CASC3: variants seen among roughly 807,000 people sequenced by gnomAD.
The protein encoded by CASC3 is protein CASC3.
CASC3 carries 30 observed loss-of-function variants against 80.5 expected under a neutral mutation model. The observed-to-expected ratio is 0.37, with a 90% CI of 0.28 to 0.51. The LOEUF is 0.51. Among genes scored for constraint, CASC3 ranks in the 20% least tolerant of loss-of-function variants. The probability of loss-of-function intolerance (pLI) is 0.94; values close to 1 mark genes in which losing one functional copy is unlikely to be tolerated. For synonymous variants in CASC3, 312 were observed against 333.6 expected, an observed-to-expected ratio of 0.94 and a Z score of 0.70; for missense variants, 824 against 922.2, an observed-to-expected ratio of 0.89 and a Z score of 1.38.
In CASC3 at chr17:40,168,334, A is replaced by C. The variant is rs143933011; in HGVS notation, c.1882A>C (p.Met628Leu). 10 of 1,613,986 alleles carry C rather than the reference A, an allele frequency of 6.2e-6. No homozygotes were observed. The African/African-American group carries it at 1.2e-4, about 19-fold the overall frequency. ...TACTTACTTTTCTGCTCCAGGCGTC[A>C]TGAACTTTGGTAATCCCAGTTACCC... ...APTYFSAPGV[M>L]NFGNPSYPYA... Residue 628 changes from methionine to leucine, a missense_variant, in exon 11 of 14, where the codon ATG (methionine) becomes CTG (leucine). By Grantham distance (15) the Met-to-Leu change is conservative (BLOSUM62 2). Around this residue, in one of 3 missense-constraint regions of CASC3, gnomAD observed 464 missense variants for 506.0 expected, o/e 0.92. Transcript: ENST00000264645.
Position 40,171,635 on chromosome 17 carries a change from C to T in CASC3, c.*1230C>T. The stretch of plus-strand genomic sequence containing the variant: ...CTGGGCAAGGGCTCCTATCTTTCCT[C>T]CCTATCCATGGCACTAAACCACTTC... On this transcript the variant is annotated 3_prime_UTR_variant, in exon 14 of 14. Transcript: ENST00000264645. 1.0e-6 allele frequency: 1 copy of T among 996,666 alleles called. No homozygotes were observed. Among genetic ancestry groups the T allele is most frequent in the Non-Finnish European group, 1.2e-6 (1 of 836,440 alleles). The allele number at this position is 996,666 out of a possible 1,614,324, so 61.7% of individuals were successfully genotyped here. A position where few individuals can be genotyped will look rare whatever the true frequency, so the allele number is the denominator to read the frequency against.
chr17:40,161,912 G>A lies in CASC3; in HGVS notation c.456+1G>A. ...AGAGAGGCAAAGTGGGGACGGACAGGTTAGTACATTCCACAGTCCTCCATT... is the reference window on the plus strand; with the variant it reads ...AGAGAGGCAAAGTGGGGACGGACAGATTAGTACATTCCACAGTCCTCCATT... On this transcript the variant is annotated splice_donor_variant, in intron 4 of 13. Coordinates refer to ENST00000264645, the MANE Select transcript of CASC3 (RefSeq NM_007359.5). LOFTEE classifies it high-confidence loss of function. 3 of 1,614,062 alleles carry A rather than the reference G, an allele frequency of 1.9e-6. No individual in the cohort carries two copies.
chr17:40,167,960 G>A lies in CASC3; in HGVS notation c.1750+12G>A. On this transcript the variant is annotated intron_variant, in intron 10 of 13. Coordinates refer to ENST00000264645, the MANE Select transcript of CASC3 (RefSeq NM_007359.5). Reference sequence around the variant, plus strand: ...CCTTCCCCACCCAGGTAAGCTTTGTGTCTCTGCTTATATGCTTCCAGTACC... The same window carrying A: ...CCTTCCCCACCCAGGTAAGCTTTGTATCTCTGCTTATATGCTTCCAGTACC... 3.1e-6 allele frequency: 5 copies of A among 1,610,944 alleles called. No individual in the cohort carries two copies. Among genetic ancestry groups the A allele is most frequent in the Non-Finnish European group, 4.2e-6 (5 of 1,177,206 alleles).
intron 3 of CASC3, among the ~76,000 whole-genome samples, chr17:40,153,071 A>G (rs1046586598): frequency 3.3e-5 from 5 of 152,110 alleles, no homozygotes; most frequent in African/African-American, 1.2e-4. Context: ...CACCACGCCC[A>G]ACCAGTAAGT....
intron 3 of CASC3, among the ~76,000 whole-genome samples, chr17:40,141,808 G>GGT (rs1456380678): frequency 6.6e-6 from 1 of 152,200 alleles, no homozygotes; most frequent in Non-Finnish European, 1.5e-5. Flanking sequence ...TCAAGCCACA[G>GGT]GTGTTATACT....
intron 3 of CASC3, among the ~76,000 whole-genome samples, chr17:40,144,430 C>T (rs1294287647): frequency 6.7e-6 from 1 of 150,132 alleles, no homozygotes; most frequent in Non-Finnish European, 1.5e-5. Flanking sequence ...CTGCAACCTC[C>T]ACCTCCCGGG....
intron 11 of CASC3, chr17:40,168,827 C>T (rs1308972739): frequency 2.7e-5 from 6 of 225,958 alleles, no homozygotes; most frequent in Admixed American, 5.3e-5. Flanking sequence ...TGACCTCAAC[C>T]GATCCACCTG....
intron 3 of CASC3, among the ~76,000 whole-genome samples, chr17:40,159,352 T>TA (rs1378393431): frequency 6.6e-6 from 1 of 152,168 alleles, no homozygotes; most frequent in East Asian, 1.9e-4. Context: ...AATGTAAACT[T>TA]AAAGTGTTAT....
chr17:40,150,415 C>CGTGTGTGTGT (rs10545573), intron 3 of CASC3, among the ~76,000 whole-genome samples: 45 of 149,040 alleles, frequency 3.0e-4, no homozygotes, highest in African/African-American at 1.1e-3. Flanking sequence ...AGAGTGTGTG[C>CGTGTGTGTGT]GTGTGTGTGT....
intron 3 of CASC3, among the ~76,000 whole-genome samples, chr17:40,159,276 C>G (rs1442011071): frequency 2.0e-5 from 3 of 152,044 alleles, no homozygotes; most frequent in African/African-American, 7.2e-5. Flanking sequence ...TTCTCATTAT[C>G]TATAGACTAA....
chr17:40,171,865 AG>A lies in CASC3; in HGVS notation c.*1461del. 8.3e-7 allele frequency: 1 copy of A among 1,200,796 alleles called. No homozygotes were observed. The highest frequency in any genetic ancestry group is 1.5e-5 in the South Asian group (1 of 65,108). The allele number at this position is 1,200,796 out of a possible 1,614,324, so 74.4% of individuals were successfully genotyped here. A position where few individuals can be genotyped will look rare whatever the true frequency, so the allele number is the denominator to read the frequency against. ...CACAGGTGTGGGATGGAGAGTGGGG[AG>A]AGGCACTTAATCTGTAACCCCCAAG... On this transcript the variant is annotated 3_prime_UTR_variant, in exon 14 of 14. Transcript: ENST00000264645.
At chr17:40,162,703 A>G in intron 5 of CASC3, 22 bp from the exon 6 acceptor site, 1 of 1,611,176 alleles carries the variant, frequency 6.2e-7, no homozygotes, top group Non-Finnish European at 8.5e-7. Context: ...GACCCAAGAC[A>G]CTTTTCCTTC....
chr17:40,164,831 C>T (rs535735689), intron 7 of CASC3, among the ~76,000 whole-genome samples: 1 of 138,840 alleles, frequency 7.2e-6, no homozygotes, highest in East Asian at 2.2e-4. Context: ...TCTTGGCTCA[C>T]TACAACCTCT....
intron 3 of CASC3, among the ~76,000 whole-genome samples, chr17:40,144,345 CTT>C (rs760229885): frequency 2.3e-4 from 33 of 142,562 alleles, no homozygotes; most frequent in Admixed American, 2.8e-4. Flanking sequence ...CTTTCTTTTT[CTT>C]TTTTTTTTTT....
chr17:40,143,096 AAAAT>A (rs1204711407), intron 3 of CASC3, among the ~76,000 whole-genome samples: 78 of 151,414 alleles, frequency 5.2e-4, no homozygotes, highest in African/African-American at 1.5e-3. Context: ...CAAAAAAAAA[AAAAT>A]AAATAAATAA....
chr17:40,147,377 G>C (rs185509574), intron 3 of CASC3, among the ~76,000 whole-genome samples: 4 of 152,232 alleles, frequency 2.6e-5, no homozygotes, highest in African/African-American at 9.6e-5. Context: ...CTTGGCTCAT[G>C]CCTGTAATCA....
rs1989589841 is a variant in CASC3 at position 40,171,376 on chromosome 17, T to C, written c.*971T>C. 1.1e-5 allele frequency: 11 copies of C among 986,000 alleles called. No homozygotes were observed. Among genetic ancestry groups the C allele is most frequent in the Non-Finnish European group, 1.2e-5 (10 of 830,068 alleles). 61.1% of individuals were successfully genotyped at this position (986,000 alleles called of 1,614,324 possible). On this transcript the variant is annotated 3_prime_UTR_variant, in exon 14 of 14. Transcript: ENST00000264645. The stretch of plus-strand genomic sequence containing the variant: ...ATTAGAGGGCCTTGCTTCTCTTCTT[T>C]CCATTCTTCTTGCTACACCCCTTTT...
chr17:40,161,911 G>A lies in CASC3; in HGVS notation c.456G>A (p.Gln152=). The A allele has an allele frequency of 6.2e-7, 1 of 1,614,082 alleles. No individual in the cohort carries two copies. Among genetic ancestry groups the A allele is most frequent in the African/African-American group, 1.3e-5 (1 of 75,010 alleles). ...VTGERQSGDG[Q]ESTEPVENKV... is the part of the protein sequence containing the mutation. Reference sequence around the variant, plus strand: ...GAGAGAGGCAAAGTGGGGACGGACAGGTTAGTACATTCCACAGTCCTCCAT... The same window carrying A: ...GAGAGAGGCAAAGTGGGGACGGACAAGTTAGTACATTCCACAGTCCTCCAT... The change falls in exon 4 of 14, where the codon CAG becomes CAA. Residue 152 remains glutamine (Q), a splice_region_variant and synonymous_variant. Transcript: ENST00000264645.
rs1241439360 is a variant in CASC3, at chr17:40,159,710, AATTT to A, written c.298-2042_298-2039del. Among the ~76,000 whole-genome samples, 995 of 134,108 alleles carry A rather than the reference AATTT, an allele frequency of 7.4e-3. 13 individuals are homozygous for A. The highest frequency in any genetic ancestry group is 0.027 in the African/African-American group (924 of 33,880). The allele number at this position is 134,108 out of a possible 152,430, so 88.0% of individuals were successfully genotyped here. A position where few individuals can be genotyped will look rare whatever the true frequency, so the allele number is the denominator to read the frequency against. ...TAGGCGCACACCACCATTCCTGGCG[AATTT>A]TTTTTTTTTTTTTTTTTTTTTTGAC... On this transcript the variant is annotated intron_variant, in intron 3 of 13. Transcript: ENST00000264645.
Sources: allele counts gnomAD v4.1 joint callset (sites outside exome capture counted in the v4.1 genomes callset), GRCh38; gene constraint gnomAD v4.1.1; regional missense constraint gnomAD v4.1.1; transcripts MANE v1.5; gene names NCBI Gene and HGNC (gene_info 2026-07-23, HGNC 2026-07-21).